The following GUCY1A2 variants were observed in gnomAD, a reference collection of about 807,000 sequenced individuals.
GUCY1A2 encodes the protein guanylate cyclase soluble subunit alpha-2.
GUCY1A2 carries 27 observed loss-of-function variants against 63.5 expected under a neutral mutation model. The observed-to-expected ratio is 0.43, with a 90% CI of 0.31 to 0.59. The LOEUF (loss-of-function observed/expected upper bound fraction) is 0.59. GUCY1A2 is among the 20% of genes least tolerant of loss of function. The pLI is 0.11. For synonymous variants in GUCY1A2, 364 were observed against 343.5 expected (o/e 1.06, Z -0.66); for missense variants, 768 against 913.3 (o/e 0.84, Z 2.05).
intron 1 of GUCY1A2, among the ~76,000 whole-genome samples, chr11:106,991,520 G>A (rs775235844): frequency 4.6e-5 from 7 of 152,224 alleles, no homozygotes; most frequent in East Asian, 1.9e-4. Flanking sequence ...CCAATGTGTC[G>A]TTACGGTTGA....
At chr11:106,767,524 T>G (rs1591267976) in intron 6 of GUCY1A2, among the ~76,000 whole-genome samples, 1 of 152,254 alleles carries the variant, frequency 6.6e-6, no homozygotes, top group East Asian at 1.9e-4. Context: ...GATAGACTAT[T>G]TTATAGTCTG....
At chr11:106,792,474 A>G (rs769309573) in intron 5 of GUCY1A2, among the ~76,000 whole-genome samples, 3 of 152,200 alleles carry the variant, frequency 2.0e-5, no homozygotes, top group Non-Finnish European at 4.4e-5. Flanking sequence ...ACAAATCAAT[A>G]AATGTGATTC....
At position 107,018,122 on chromosome 11, in the gene GUCY1A2, G is replaced by C; in HGVS notation, c.-67C>G. The stretch of plus-strand genomic sequence containing the variant: ...GACGCGAGCGGCGGCGGAGGCGGCG[G>C]TGGCGGGACCGGCAAGCGACAACGT... On this transcript the variant is annotated 5_prime_UTR_variant, in exon 1 of 8. Transcript: ENST00000526355. The C allele has an allele frequency of 9.1e-7, 1 of 1,097,876 alleles. No homozygotes were observed. The highest frequency in any genetic ancestry group is 1.2e-6 in the Non-Finnish European group (1 of 833,068). 68.0% of individuals were successfully genotyped at this position (1,097,876 alleles called of 1,614,324 possible).
chr11:106,893,283 C>A (rs1859998849), intron 4 of GUCY1A2, among the ~76,000 whole-genome samples: 2 of 152,082 alleles, frequency 1.3e-5, no homozygotes, highest in Admixed American at 6.6e-5. Context: ...TAGCACATAT[C>A]TATTTGTAAC....
At chr11:106,997,108 A>C (rs1195596303) in intron 1 of GUCY1A2, among the ~76,000 whole-genome samples, 1 of 152,060 alleles carries the variant, frequency 6.6e-6, no homozygotes, top group Non-Finnish European at 1.5e-5. Context: ...ACTAGCTATC[A>C]CTCTATTACA....
chr11:106,850,959 C>T (rs968995644), intron 4 of GUCY1A2, among the ~76,000 whole-genome samples: 2 of 151,910 alleles, frequency 1.3e-5, no homozygotes, highest in Admixed American at 1.3e-4. Context: ...ATCCTACCAA[C>T]AGTGTATAGG....
At chr11:106,879,239 A>T (rs899912926) in intron 4 of GUCY1A2, among the ~76,000 whole-genome samples, 1 of 152,090 alleles carries the variant, frequency 6.6e-6, no homozygotes, top group African/African-American at 2.4e-5. Context: ...ATGTGTGTTT[A>T]TTCAGCAAAC....
chr11:106,854,383 T>C (rs1859398397), intron 4 of GUCY1A2, among the ~76,000 whole-genome samples: 1 of 152,070 alleles, frequency 6.6e-6, no homozygotes, highest in Non-Finnish European at 1.5e-5. Context: ...GAAGTGCACA[T>C]GTGCAGTGGT....
intron 5 of GUCY1A2, among the ~76,000 whole-genome samples, chr11:106,784,489 A>G (rs1052994574): frequency 2.6e-5 from 4 of 152,096 alleles, no homozygotes; most frequent in African/African-American, 9.7e-5. Context: ...TGGGACCAGA[A>G]CAAGAGATAA....
chr11:106,716,562 T>A (rs1863218077), intron 6 of GUCY1A2, among the ~76,000 whole-genome samples: 1 of 151,776 alleles, frequency 6.6e-6, no homozygotes, highest in African/African-American at 2.4e-5. Context: ...CACCCCCAGG[T>A]CCAGGAACAG....
chr11:106,806,421 G>C (rs1858687532), intron 5 of GUCY1A2, among the ~76,000 whole-genome samples: 1 of 152,130 alleles, frequency 6.6e-6, no homozygotes, highest in African/African-American at 2.4e-5. Flanking sequence ...GAAAGGCAAA[G>C]TCTTTCTCCC....
At chr11:106,758,334 G>A (rs898203759) in intron 6 of GUCY1A2, among the ~76,000 whole-genome samples, 3 of 152,234 alleles carry the variant, frequency 2.0e-5, no homozygotes, top group African/African-American at 7.2e-5. Flanking sequence ...TGGTCTGCTG[G>A]TTGCGAACAC....
chr11:107,015,631 C>A (rs757185999), intron 1 of GUCY1A2, among the ~76,000 whole-genome samples: 5 of 112,008 alleles, frequency 4.5e-5, no homozygotes, highest in Non-Finnish European at 7.0e-5. Flanking sequence ...TCTCCCCAAA[C>A]TAATCATTAT....
intron 2 of GUCY1A2, among the ~76,000 whole-genome samples, chr11:106,984,310 T>C (rs1861374308): frequency 6.6e-6 from 1 of 152,220 alleles, no homozygotes; most frequent in East Asian, 1.9e-4. Context: ...GTTTTCTTTA[T>C]ACTGTGTATG....
chr11:106,920,049 C>T (rs891624699), intron 4 of GUCY1A2, among the ~76,000 whole-genome samples: 2 of 152,020 alleles, frequency 1.3e-5, no homozygotes, highest in Non-Finnish European at 2.9e-5. Flanking sequence ...TAATACCTAA[C>T]CTCAAAAATC....
intron 6 of GUCY1A2, among the ~76,000 whole-genome samples, chr11:106,745,861 G>C (rs1054643908): frequency 6.6e-6 from 1 of 152,102 alleles, no homozygotes; most frequent in Non-Finnish European, 1.5e-5. Flanking sequence ...GATATATTTT[G>C]AGCCCAGCAA....
At chr11:106,974,102 C>T (rs1211103787) in intron 3 of GUCY1A2, among the ~76,000 whole-genome samples, 1 of 151,986 alleles carries the variant, frequency 6.6e-6, no homozygotes, top group Non-Finnish European at 1.5e-5. Context: ...ATTATAGTAA[C>T]ATTATTAAGT....
At chr11:106,777,914 T>A (rs1864387759) in intron 5 of GUCY1A2, among the ~76,000 whole-genome samples, 1 of 152,148 alleles carries the variant, frequency 6.6e-6, no homozygotes, top group Admixed American at 6.6e-5. Context: ...ACCATATAAT[T>A]GAGAGTTAAC....
At chr11:106,764,970 T>TGGGGG (rs34675895) in intron 6 of GUCY1A2, among the ~76,000 whole-genome samples, 5 of 92,422 alleles carry the variant, frequency 5.4e-5, no homozygotes, top group East Asian at 3.7e-4. Context: ...CAGATTTTTT[T>TGGGGG]GGGGGGGGGT....
Sources: allele counts gnomAD v4.1 joint callset (sites outside exome capture counted in the v4.1 genomes callset), GRCh38; gene constraint gnomAD v4.1.1; transcripts MANE v1.5; gene names NCBI Gene and HGNC (gene_info 2026-07-23, HGNC 2026-07-21).